CEP128: variants seen among roughly 807,000 people sequenced by gnomAD.
CEP128 encodes the protein centrosomal protein 128, also known as centrosomal protein 128kDa.
Under a neutral mutation model 156.7 loss-of-function variants are expected in CEP128, and 132 were observed. The observed-to-expected ratio is 0.84, with a 90% CI of 0.73 to 0.97. The LOEUF is 0.97. CEP128 is among the 50% of genes least tolerant of loss of function. The pLI is 0.00. For missense variants in CEP128, 1,252 were observed against 1,281.9 expected (o/e 0.98, Z 0.36); for synonymous variants, 469 against 448.9 (o/e 1.04, Z -0.57).
intron 13 of CEP128, among the ~76,000 whole-genome samples, chr14:80,815,209 C>T (rs1312351912): frequency 6.6e-6 from 1 of 152,092 alleles, no homozygotes; most frequent in Non-Finnish European, 1.5e-5. Context: ...TCTAACATCT[C>T]AACGAAATAA....
chr14:80,695,713 C>CAA (rs772118868), intron 19 of CEP128, among the ~76,000 whole-genome samples: 31 of 99,490 alleles, frequency 3.1e-4, no homozygotes, highest in Middle Eastern at 6.0e-3. Flanking sequence ...GACTCCATCT[C>CAA]AAAAAAAAAA....
chr14:80,826,105 CAA>C (rs397700906), intron 13 of CEP128, among the ~76,000 whole-genome samples: 47 of 70,482 alleles, frequency 6.7e-4, no homozygotes, highest in East Asian at 3.5e-3. Context: ...GATTCTGTCT[CAA>C]AAAAAAAAAA....
At chr14:80,940,388 T>C (rs567029806) in intron 1 of CEP128, among the ~76,000 whole-genome samples, 1 of 152,370 alleles carries the variant, frequency 6.6e-6, no homozygotes, top group African/African-American at 2.4e-5. Context: ...AGTTTTAACC[T>C]TATCTCTAGT....
At chr14:80,599,265 C>CTTTTTTT (rs375136337) in intron 19 of CEP128, among the ~76,000 whole-genome samples, 16 of 85,410 alleles carry the variant, frequency 1.9e-4, no homozygotes, top group African/African-American at 2.4e-4. Context: ...CAGTCATATT[C>CTTTTTTT]TTTTTTTTTT....
At chr14:80,595,473 A>T (rs990156054) in intron 19 of CEP128, among the ~76,000 whole-genome samples, 18 of 152,132 alleles carry the variant, frequency 1.2e-4, no homozygotes, top group South Asian at 2.1e-4. Flanking sequence ...AAGTACAATT[A>T]AAAAAATTAA....
chr14:80,597,941 C>T (rs1165701020), intron 19 of CEP128, among the ~76,000 whole-genome samples: 3 of 128,032 alleles, frequency 2.3e-5, no homozygotes, highest in Non-Finnish European at 4.9e-5. Flanking sequence ...GAAGGGAATT[C>T]CTCAGCTACA....
chr14:80,668,445 G>T (rs1030505876), intron 19 of CEP128, among the ~76,000 whole-genome samples: 6 of 152,146 alleles, frequency 3.9e-5, no homozygotes, highest in South Asian at 2.1e-4. Flanking sequence ...ATTCTTGGCT[G>T]AAGAGTAAAT....
Position 80,858,321 on chromosome 14 carries a change from G to A in CEP128, c.762+4436C>T, listed in dbSNP as rs768429637. ...AAGGATTCCCTATTTAATAAATGGT[G>A]CTGGGAAAACTGGCTAGCCATATGT... On this transcript the variant is annotated intron_variant, in intron 9 of 24. Transcript: ENST00000555265. 7.8e-3 allele frequency among the ~76,000 whole-genome samples: 1,067 copies of A among 136,974 alleles called. 10 individuals are homozygous for A. The highest frequency in any genetic ancestry group is 9.3e-3 in the Non-Finnish European group (600 of 64,368). The allele number at this position is 136,974 out of a possible 152,430, so 89.9% of individuals were successfully genotyped here.
chr14:80,895,519 A>G (rs992280710), intron 8 of CEP128, among the ~76,000 whole-genome samples, 199 bp downstream of exon 8: 8 of 152,096 alleles, frequency 5.3e-5, no homozygotes, highest in African/African-American at 1.9e-4. Flanking sequence ...TACCAAATAA[A>G]TATACCTAAA....
chr14:80,850,792 T>C (rs1159090580), intron 9 of CEP128, among the ~76,000 whole-genome samples: 1 of 152,210 alleles, frequency 6.6e-6, no homozygotes, highest in African/African-American at 2.4e-5. Flanking sequence ...AAATTTCTTT[T>C]TCAAACTTTG....
upstream of CEP128, among the ~76,000 whole-genome samples, chr14:80,943,410 GA>G (rs779907923): frequency 7.2e-5 from 11 of 152,100 alleles, no homozygotes; most frequent in Non-Finnish European, 1.5e-4. Context: ...TCTACCAAAA[GA>G]GCTAATGTAA....
intron 23 of CEP128, among the ~76,000 whole-genome samples, chr14:80,512,399 ACTC>A (rs1888303383): frequency 6.6e-6 from 1 of 151,508 alleles, no homozygotes; most frequent in Non-Finnish European, 1.5e-5. Context: ...AAGTATAGCT[ACTC>A]CTGCTGTTTT....
In CEP128 at chr14:80,932,102, G is replaced by A. The variant is rs73344072; in HGVS notation, c.-16+7283C>T. ...ATAAGGGGCTTTTCCTCCTTCACCT[G>A]GCACTTCTCTCTCCTGATGCCATGT... On this transcript the variant is annotated intron_variant, in intron 2 of 24. Transcript: ENST00000555265. Among the ~76,000 whole-genome samples the A allele has an allele frequency of 7.3e-3, 1,119 of 152,260 alleles. 17 individuals are homozygous for A. The highest frequency in any genetic ancestry group is 0.025 in the African/African-American group (1,019 of 41,542).
At chr14:80,914,019 T>C (rs1884402307) in intron 4 of CEP128, among the ~76,000 whole-genome samples, 1 of 152,202 alleles carries the variant, frequency 6.6e-6, no homozygotes, top group Admixed American at 6.5e-5. Context: ...ATCCTTAAAA[T>C]TCTTAACTCT....
intron 19 of CEP128, among the ~76,000 whole-genome samples, chr14:80,705,113 T>G (rs1334179410): frequency 6.6e-6 from 1 of 152,108 alleles, no homozygotes; most frequent in Non-Finnish European, 1.5e-5. Context: ...AAAAAAATCC[T>G]TAACAGCATA....
intron 19 of CEP128, among the ~76,000 whole-genome samples, chr14:80,697,920 T>C (rs181339591): frequency 2.0e-5 from 3 of 152,058 alleles, no homozygotes; most frequent in East Asian, 1.9e-4. Flanking sequence ...TAGATACATA[T>C]ATAAACCAGC....
intron 8 of CEP128, among the ~76,000 whole-genome samples, chr14:80,878,517 G>C (rs1888386066): frequency 6.6e-6 from 1 of 152,186 alleles, no homozygotes; most frequent in Non-Finnish European, 1.5e-5. Flanking sequence ...TTAGAGTACA[G>C]AGTCACCACT....
chr14:80,677,159 C>T (rs895673461), intron 19 of CEP128, among the ~76,000 whole-genome samples: 2 of 152,122 alleles, frequency 1.3e-5, no homozygotes. Flanking sequence ...GGAGTACATG[C>T]ACGTTTCCAT....
chr14:80,574,474 G>C (rs951148615), intron 20 of CEP128, among the ~76,000 whole-genome samples: 12 of 152,150 alleles, frequency 7.9e-5, no homozygotes, highest in Non-Finnish European at 1.3e-4. Context: ...CTTACCAGGA[G>C]GATTAGCCAT....
Sources: allele counts gnomAD v4.1 joint callset (sites outside exome capture counted in the v4.1 genomes callset), GRCh38; gene constraint gnomAD v4.1.1; transcripts MANE v1.5; gene names NCBI Gene and HGNC (gene_info 2026-07-23, HGNC 2026-07-21).